The following BRMS1L variants were observed in gnomAD, a reference collection of about 807,000 sequenced individuals.
BRMS1L encodes the protein BRMS1 like transcriptional repressor.
In BRMS1L, 23 loss-of-function variants were observed where a neutral mutation model predicts 50.3. The ratio of observed to expected loss-of-function variants is 0.46; its 90% CI spans 0.33 to 0.65. The LOEUF is 0.65. Ranked by LOEUF, BRMS1L falls within the 30% of genes least tolerant of loss-of-function variation. BRMS1L has a pLI of 0.02. For missense variants in BRMS1L, 286 were observed against 386.1 expected, an observed-to-expected ratio of 0.74 and a Z score of 2.17; for synonymous variants, 114 against 126.9, an observed-to-expected ratio of 0.90 and a Z score of 0.69.
intron 1 of BRMS1L, among the ~76,000 whole-genome samples, chr14:35,827,369 A>G (rs1175233347): frequency 6.6e-6 from 1 of 152,110 alleles, no homozygotes; most frequent in Non-Finnish European, 1.5e-5. Context: ...AATTTTGCAA[A>G]CTTTTAGGAA....
intron 4 of BRMS1L, among the ~76,000 whole-genome samples, chr14:35,860,076 G>A (rs371294470): frequency 2.0e-4 from 31 of 152,070 alleles, no homozygotes; most frequent in East Asian, 9.6e-4. Context: ...TTACTTTTAT[G>A]TGTAATGTAA....
intron 4 of BRMS1L, among the ~76,000 whole-genome samples, chr14:35,852,855 C>T (rs1293367315): frequency 5.3e-5 from 8 of 151,850 alleles, no homozygotes; most frequent in South Asian, 2.1e-4. Context: ...GGCGTGAACC[C>T]GGGAGGCGAA....
intron 5 of BRMS1L, among the ~76,000 whole-genome samples, 158 bp downstream of exon 5, chr14:35,862,844 A>G (rs143162453): frequency 5.9e-5 from 9 of 152,336 alleles, no homozygotes; most frequent in African/African-American, 1.9e-4. Flanking sequence ...TGGTGATTAT[A>G]TTGTTATTGT....
intron 4 of BRMS1L, among the ~76,000 whole-genome samples, chr14:35,843,795 T>C (rs181588847): frequency 6.6e-6 from 1 of 152,376 alleles, no homozygotes; most frequent in African/African-American, 2.4e-5. Context: ...TAGCCACGCC[T>C]TCCCCCAGGT....
rs146820033 is a variant in BRMS1L at position 35,839,970 on chromosome 14, A to C, written c.441+5047A>C. On this transcript the variant is annotated intron_variant, in intron 4 of 9. Transcript: ENST00000216807. ...GCCGGTTTTCAAAGGGATTGCTTCC[A>C]GCTTTTGCCCATTCAGTATGATATT... is the stretch of plus-strand genomic sequence containing the variant. Among the ~76,000 whole-genome samples the C allele has an allele frequency of 4.9e-4, 75 of 152,308 alleles. 1 individual carries two copies. The East Asian group carries it at 0.014, about 27-fold the overall frequency.
At chr14:35,832,586 A>G (rs1215147596) in intron 2 of BRMS1L, among the ~76,000 whole-genome samples, 1 of 151,954 alleles carries the variant, frequency 6.6e-6, no homozygotes, top group Non-Finnish European at 1.5e-5. Flanking sequence ...CCAAGTAATT[A>G]TTTATTTTGA....
At chr14:35,835,605 G>A (rs1449117450) in intron 4 of BRMS1L, among the ~76,000 whole-genome samples, 2 of 152,300 alleles carry the variant, frequency 1.3e-5, no homozygotes, top group East Asian at 3.9e-4. Context: ...GAGTTTAGGA[G>A]GCTGAGGCGA....
chr14:35,841,908 T>G (rs1406145193), intron 4 of BRMS1L, among the ~76,000 whole-genome samples: 1 of 152,158 alleles, frequency 6.6e-6, no homozygotes, highest in African/African-American at 2.4e-5. Context: ...TGCATTGATC[T>G]GTTTACCATT....
rs894503859 is a variant in BRMS1L, at chr14:35,871,276, CAT to C, written c.*800_*801del. ...AACTGACAGTATTGTGCTTGCTGTA[CAT>C]GTCTGGTCTTTTGAAACAGATTTTA... On this transcript the variant is annotated 3_prime_UTR_variant, in exon 10 of 10. Coordinates refer to ENST00000216807, the MANE Select transcript of BRMS1L (RefSeq NM_032352.4). The C allele has an allele frequency of 3.9e-5, 6 of 152,570 alleles. No homozygotes were observed. Among genetic ancestry groups the C allele is most frequent in the African/African-American group, 1.4e-4 (6 of 41,422 alleles). The allele number at this position is 152,570 out of a possible 1,614,324, so 9.5% of individuals were successfully genotyped here.
chr14:35,870,055 A>G (rs1566433138), intron 9 of BRMS1L, among the ~76,000 whole-genome samples: 2 of 149,480 alleles, frequency 1.3e-5, no homozygotes, highest in Admixed American at 6.6e-5. Context: ...TTTTAGCTCC[A>G]GTTTTTTTTT....
Position 35,854,789 on chromosome 14 carries a change from G to C in BRMS1L, c.442-7801G>C, listed in dbSNP as rs368589422. Among the ~76,000 whole-genome samples, 3 of 152,330 alleles carry C rather than the reference G, an allele frequency of 2.0e-5. No homozygotes were observed. In the South Asian group the frequency reaches 6.2e-4, roughly 32 times the overall value. Reference sequence around the variant, plus strand: ...AGGAATTCTGTGAGCACTGGTCAGAGGATGTAGCTCCTCAGTCTCTGCTTT... The same window carrying C: ...AGGAATTCTGTGAGCACTGGTCAGACGATGTAGCTCCTCAGTCTCTGCTTT... On this transcript the variant is annotated intron_variant, in intron 4 of 9. Transcript: ENST00000216807.
intron 3 of BRMS1L, among the ~76,000 whole-genome samples, chr14:35,834,579 A>G (rs529409069): frequency 3.3e-5 from 5 of 152,290 alleles, no homozygotes; most frequent in East Asian, 1.9e-4. Flanking sequence ...TCTGTATCAA[A>G]CATTTAGGAG....
intron 4 of BRMS1L, among the ~76,000 whole-genome samples, chr14:35,860,052 A>G (rs1233713776): frequency 6.6e-6 from 1 of 152,230 alleles, no homozygotes; most frequent in Non-Finnish European, 1.5e-5. Flanking sequence ...TATAAATTTA[A>G]TCCTTTAGTC....
intron 6 of BRMS1L, among the ~76,000 whole-genome samples, chr14:35,864,326 A>C (rs2078392849): frequency 6.6e-6 from 1 of 152,136 alleles, no homozygotes; most frequent in Non-Finnish European, 1.5e-5. Flanking sequence ...CAGTGGCACA[A>C]TCATGGCTCA....
At chr14:35,836,761 G>C (rs962031954) in intron 4 of BRMS1L, among the ~76,000 whole-genome samples, 55 of 152,268 alleles carry the variant, frequency 3.6e-4, no homozygotes, top group African/African-American at 1.3e-3. Flanking sequence ...ATAAAGTATG[G>C]TTCTAGGCTG....
Position 35,833,036 on chromosome 14 carries a change from A to G in BRMS1L, c.292A>G (p.Lys98Glu), listed in dbSNP as rs2077944763. The change falls in exon 3 of 10, where the codon AAA becomes GAA. Residue 98 changes from lysine (K) to glutamate (E), a missense_variant. Lys to Glu is a moderately conservative substitution (Grantham distance 56, BLOSUM62 1). Transcript: ENST00000216807. ...DAKLQEVIAG[K>E]APEYLEPLAT... ...AAAACTACAAGAAGTCATAGCTGGA[A>G]AAGCACCAGAATACTTGGAACCGCT... 1.9e-6 allele frequency: 3 copies of G among 1,613,568 alleles called. No individual in the cohort carries two copies. The highest frequency in any genetic ancestry group is 2.5e-6 in the Non-Finnish European group (3 of 1,179,748).
At chr14:35,850,209 CTT>C (rs72493491) in intron 4 of BRMS1L, among the ~76,000 whole-genome samples, 18 of 128,848 alleles carry the variant, frequency 1.4e-4, no homozygotes, top group Non-Finnish European at 1.0e-4. Flanking sequence ...GTTGCCTTTT[CTT>C]TTTTTTTTTT....
intron 6 of BRMS1L, among the ~76,000 whole-genome samples, chr14:35,864,538 G>A (rs995814215): frequency 6.6e-6 from 1 of 152,206 alleles, no homozygotes; most frequent in Non-Finnish European, 1.5e-5. Context: ...GCAGGCATGA[G>A]CCACTGTGCC....
At chr14:35,826,696 C>T (rs1328701003) in intron 1 of BRMS1L, 38 bp downstream of exon 1, 11 of 1,601,656 alleles carry the variant, frequency 6.9e-6, no homozygotes, top group Non-Finnish European at 7.7e-6. Flanking sequence ...GTCCCCGCGC[C>T]CAGCGCGCGA....
Sources: gnomAD v4.1 joint callset for allele counts (sites outside exome capture counted in the v4.1 genomes callset) on GRCh38, gnomAD v4.1.1 for gene constraint, MANE v1.5 for transcripts, NCBI Gene and HGNC (gene_info 2026-07-23, HGNC 2026-07-21) for gene names.